Variants in NTM observed in about 807,000 individuals in gnomAD.
NTM encodes neurotrimin, also known as IgLON family member 2.
NTM carries 13 observed loss-of-function variants against 42.1 expected under a neutral mutation model. The ratio of observed to expected loss-of-function variants is 0.31; its 90% CI spans 0.20 to 0.49. The LOEUF (loss-of-function observed/expected upper bound fraction) is 0.49. Ranked by LOEUF, NTM falls within the 20% of genes least tolerant of loss-of-function variation. The pLI is 0.99. For missense variants in NTM, 373 were observed against 452.8 expected (o/e 0.82, Z 1.60); for synonymous variants, 187 against 179.2 (o/e 1.04, Z -0.35).
intron 4 of NTM, among the ~76,000 whole-genome samples, chr11:132,243,501 G>T (rs1005383495): frequency 1.3e-5 from 2 of 152,164 alleles, no homozygotes; most frequent in Non-Finnish European, 2.9e-5. Context: ...TCCCTCTGCA[G>T]CAGATGTGGC....
intron 2 of NTM, among the ~76,000 whole-genome samples, chr11:132,034,863 C>A (rs930322881): frequency 1.3e-5 from 2 of 152,154 alleles, no homozygotes; most frequent in African/African-American, 4.8e-5. Context: ...CTGTGCTGAT[C>A]AAAAATGTTC....
chr11:132,253,018 G>T (rs575034817), intron 4 of NTM, among the ~76,000 whole-genome samples: 43 of 152,306 alleles, frequency 2.8e-4, no homozygotes, highest in African/African-American at 1.0e-3. Flanking sequence ...AGGATACTTA[G>T]AAGAAAATGT....
intron 2 of NTM, among the ~76,000 whole-genome samples, chr11:131,976,143 C>CCTTCCTTCCTTCCTTCCTTT: frequency 7.1e-6 from 1 of 141,820 alleles, no homozygotes; most frequent in Non-Finnish European, 1.5e-5. Flanking sequence ...TTCCTTCCTT[C>CCTTCCTTCCTTCCTTCCTTT]CTTCCTTCCT....
chr11:132,243,748 T>A (rs1398569174), intron 4 of NTM, among the ~76,000 whole-genome samples: 4 of 152,186 alleles, frequency 2.6e-5, no homozygotes, highest in African/African-American at 7.2e-5. Flanking sequence ...GGACCAATCC[T>A]GGGCCACTGG....
At chr11:131,941,027 G>A (rs936748925) in intron 2 of NTM, among the ~76,000 whole-genome samples, 1 of 152,202 alleles carries the variant, frequency 6.6e-6, no homozygotes, top group African/African-American at 2.4e-5. Flanking sequence ...CCATGGCAGT[G>A]CGCATAGGGC....
At chr11:131,374,603 C>T (rs1486057828) in intron 1 of NTM, among the ~76,000 whole-genome samples, 2 of 152,086 alleles carry the variant, frequency 1.3e-5, no homozygotes, top group Non-Finnish European at 2.9e-5. Flanking sequence ...CTCTTGGTTC[C>T]CTGCCTGAGG....
intron 2 of NTM, among the ~76,000 whole-genome samples, chr11:132,141,273 T>C (rs1047625852): frequency 4.6e-5 from 7 of 151,448 alleles, no homozygotes; most frequent in African/African-American, 1.7e-4. Flanking sequence ...CCCCTACCCC[T>C]CTCTCTCTAT....
chr11:131,915,853 C>T (rs1392328872), intron 2 of NTM, among the ~76,000 whole-genome samples: 2 of 152,112 alleles, frequency 1.3e-5, no homozygotes, highest in Non-Finnish European at 2.9e-5. Context: ...GAAAACTGCC[C>T]CGATGATTCA....
At chr11:131,533,557 G>A (rs374752398) in intron 1 of NTM, among the ~76,000 whole-genome samples, 42 of 152,294 alleles carry the variant, frequency 2.8e-4, no homozygotes, top group African/African-American at 9.6e-4. Context: ...TATAGCCCAG[G>A]ATTGGAAGAT....
chr11:132,139,176 A>G (rs2068585824), intron 2 of NTM, among the ~76,000 whole-genome samples: 1 of 152,152 alleles, frequency 6.6e-6, no homozygotes, highest in Non-Finnish European at 1.5e-5. Context: ...AAAAACATCC[A>G]GGTTACCTAG....
chr11:132,028,245 GTT>G (rs200489405), intron 2 of NTM, among the ~76,000 whole-genome samples: 3,126 of 132,192 alleles, frequency 0.024, 110 homozygotes, highest in African/African-American at 0.079. Flanking sequence ...CTTCCAGCTG[GTT>G]TTTTTTTTTT....
intron 1 of NTM, among the ~76,000 whole-genome samples, chr11:131,618,868 C>T (rs564601458): frequency 3.1e-4 from 47 of 152,254 alleles, no homozygotes; most frequent in Admixed American, 2.6e-3. Flanking sequence ...CAACTATTTA[C>T]GCCACCAATG....
chr11:131,642,236 C>A (rs1033267310), intron 1 of NTM, among the ~76,000 whole-genome samples: 1 of 152,136 alleles, frequency 6.6e-6, no homozygotes, highest in African/African-American at 2.4e-5. Context: ...GAAGCAAGCT[C>A]TAGCTTGTGA....
At chr11:131,544,465 A>T (rs1484261673) in intron 1 of NTM, among the ~76,000 whole-genome samples, 1 of 151,968 alleles carries the variant, frequency 6.6e-6, no homozygotes, top group Non-Finnish European at 1.5e-5. Context: ...CCTGTTGTGA[A>T]TCCTTTATTC....
intron 1 of NTM, among the ~76,000 whole-genome samples, chr11:131,439,253 C>T (rs768771977): frequency 1.2e-4 from 18 of 152,200 alleles, no homozygotes; most frequent in Non-Finnish European, 2.5e-4. Context: ...AGTTAGGCTA[C>T]TCGGGGGTCA....
chr11:132,231,642 G>A lies in NTM; in HGVS notation c.526+19495G>A, dbSNP rs1042621926. 2.6e-5 allele frequency among the ~76,000 whole-genome samples: 4 copies of A among 152,182 alleles called. No homozygotes were observed. In the East Asian group the frequency reaches 5.8e-4, roughly 22 times the overall value. ...ATTTTATTCAAAATGTGATGGTCCA[G>A]TCTTGAACTGTGATATGTTTTTCGT... On this transcript the variant is annotated intron_variant, in intron 4 of 8. Coordinates refer to ENST00000683400, the MANE Select transcript of NTM (RefSeq NM_001352005.2).
At chr11:131,778,957 A>T (rs999540071) in intron 1 of NTM, among the ~76,000 whole-genome samples, 2 of 152,260 alleles carry the variant, frequency 1.3e-5, no homozygotes, top group Non-Finnish European at 2.9e-5. Context: ...ATTACATCAC[A>T]TTATATAAGT....
At chr11:132,175,176 G>T (rs1333264932) in intron 3 of NTM, among the ~76,000 whole-genome samples, 2 of 152,154 alleles carry the variant, frequency 1.3e-5, no homozygotes, top group East Asian at 1.9e-4. Context: ...TTAAAGGTTT[G>T]GGGTGCACTT....
Position 131,370,815 on chromosome 11 carries a change from C to T in NTM, c.9C>T (p.Thr3=). The T allele has an allele frequency of 6.2e-7, 1 of 1,613,136 alleles. No individual in the cohort carries two copies. The change falls in exon 1 of 9, where the codon ACC becomes ACT. Residue 3 remains threonine (T), a synonymous_variant. Coordinates refer to ENST00000683400, the MANE Select transcript of NTM (RefSeq NM_001352005.2). MK[T]IQPKMHNSIS... is the part of the protein sequence containing the mutation. ...GAAGAAGAAAAAAAATCATGAAAACCATCCAGCCAAAAATGCACAATTCTA... is the reference window on the plus strand; with the variant it reads ...GAAGAAGAAAAAAAATCATGAAAACTATCCAGCCAAAAATGCACAATTCTA...
Sources: gnomAD v4.1 joint callset for allele counts (sites outside exome capture counted in the v4.1 genomes callset) on GRCh38, gnomAD v4.1.1 for gene constraint, MANE v1.5 for transcripts, NCBI Gene and HGNC (gene_info 2026-07-23, HGNC 2026-07-21) for gene names.